The following PCDHGB3 variants were observed in gnomAD, a reference collection of about 807,000 sequenced individuals.
PCDHGB3 encodes protocadherin gamma-B3.
PCDHGB3 carries 40 observed loss-of-function variants against 59.2 expected under a neutral mutation model. The observed-to-expected ratio is 0.68, with a 90% CI of 0.52 to 0.88. The LOEUF is 0.88. Among genes scored for constraint, PCDHGB3 ranks in the 40% least tolerant of loss-of-function variants. The pLI is 0.00. For synonymous variants in PCDHGB3, 581 were observed against 503.6 expected (o/e 1.15, Z -2.06); for missense variants, 1,309 against 1,187.9 (o/e 1.10, Z -1.50).
Position 141,511,035 on chromosome 5 carries a change from C to A in PCDHGB3, c.2652C>A (p.His884Gln). Residue 884 changes from histidine to glutamine, a missense_variant, in exon 4 of 4, where the codon CAC becomes CAA. Physicochemically the swap from His to Gln is conservative, Grantham distance 24 (BLOSUM62 0). Transcript: ENST00000576222. The stretch of plus-strand genomic sequence containing the variant: ...ACGGACCCCAGTTCACCCTGCAGCA[C>A]GTGCCCGACTACCGCCAGAATGTCT... ...ARYGPQFTLQ[H>Q]VPDYRQNVYI... 2 of 1,614,208 alleles carry A rather than the reference C, an allele frequency of 1.2e-6. No individual in the cohort carries two copies. The highest frequency in any genetic ancestry group is 1.1e-5 in the South Asian group (1 of 91,088).
At chr5:141,414,587 G>A (rs775783880) in intron 1 of PCDHGB3, 5 of 1,613,828 alleles carry the variant, frequency 3.1e-6, no homozygotes, top group Non-Finnish European at 8.5e-7. Context: ...AACAACGCCA[G>A]GGGTGCCTCC....
chr5:141,414,067 C>G (rs998058224), intron 1 of PCDHGB3: 1 of 1,607,570 alleles, frequency 6.2e-7, no homozygotes, highest in Non-Finnish European at 8.5e-7. Flanking sequence ...GAAGTTCCAA[C>G]TAAACAAATA....
At position 141,372,690 on chromosome 5, in the gene PCDHGB3, A is replaced by G. The variant is rs1415110803; in HGVS notation, c.2296A>G (p.Lys766Glu). Residue 766 changes from lysine to glutamate, a missense_variant, in exon 1 of 4, where the codon AAA becomes GAA. Transcript: ENST00000576222. ...CTCACATTCCTCAAACACCGAGTTTAAATTTCTCAATATAAAGGCTGAAAA... is the reference window on the plus strand; with the variant it reads ...CTCACATTCCTCAAACACCGAGTTTGAATTTCTCAATATAAAGGCTGAAAA... ...AASHSSNTEF[K>E]FLNIKAENAA... 6.2e-7 allele frequency: 1 copy of G among 1,613,948 alleles called. No homozygotes were observed. The highest frequency in any genetic ancestry group is 2.2e-5 in the East Asian group (1 of 44,902).
At chr5:141,393,192 A>G in intron 1 of PCDHGB3, 2 of 1,613,468 alleles carry the variant, frequency 1.2e-6, no homozygotes, top group Non-Finnish European at 1.7e-6. Flanking sequence ...AATTGATATT[A>G]ACGATAATAA....
intron 1 of PCDHGB3, chr5:141,428,289 G>A: frequency 1.4e-6 from 1 of 728,400 alleles, no homozygotes; most frequent in Non-Finnish European, 2.4e-6. Context: ...CCCAAGCAAA[G>A]CTGCAGATTT....
Position 141,432,562 on chromosome 5 carries a change from C to G in PCDHGB3, c.2415+59753C>G. On this transcript the variant is annotated intron_variant, in intron 1 of 3. Coordinates refer to ENST00000576222, the MANE Select transcript of PCDHGB3 (RefSeq NM_018924.5). The surrounding 1 kb of genome is among the most constrained non-coding windows in gnomAD (Gnocchi z 6.0). ...CGGTGGACAGAGACTCCGGCCAGAA[C>G]GCCTGGCTGTCCTACCGTCTGCTCA... 1 of 1,613,964 alleles carries G rather than the reference C, an allele frequency of 6.2e-7. No homozygotes were observed. Among genetic ancestry groups the G allele is most frequent in the Non-Finnish European group, 8.5e-7 (1 of 1,180,004 alleles).
chr5:141,427,146 A>G (rs901147622), intron 1 of PCDHGB3: 10 of 456,872 alleles, frequency 2.2e-5, no homozygotes, highest in Admixed American at 7.0e-5. Context: ...TGATATTGGA[A>G]ATATGTTTGT....
At chr5:141,415,709 C>A in intron 1 of PCDHGB3, 1 of 1,092,276 alleles carries the variant, frequency 9.2e-7, no homozygotes, top group Non-Finnish European at 1.3e-6. Context: ...AATGCTAAAA[C>A]ACTGATGAGT....
chr5:141,472,218 G>A (rs1206861601), intron 1 of PCDHGB3, among the ~76,000 whole-genome samples: 3 of 152,054 alleles, frequency 2.0e-5, no homozygotes, highest in Admixed American at 2.0e-4. Flanking sequence ...CCTTACTCTC[G>A]ATCATATAAT....
rs756216038 is a variant in PCDHGB3, at chr5:141,477,967, C to G, written c.2416-16840C>G. 1.9e-6 allele frequency: 3 copies of G among 1,614,032 alleles called. No homozygotes were observed. Among genetic ancestry groups the G allele is most frequent in the Admixed American group, 3.3e-5 (2 of 59,996 alleles). ...GTCTCTTGGGATCCCCTAACCAGAG[C>G]CTTTTTGCCATAGGGCTGCACACTG... On this transcript the variant is annotated intron_variant, in intron 1 of 3. Transcript: ENST00000576222. The surrounding 1 kb of genome is among the most constrained non-coding windows in gnomAD (Gnocchi z 4.9).
Position 141,432,035 on chromosome 5 carries a change from G to T in PCDHGB3, c.2415+59226G>T. 1 of 1,614,218 alleles carries T rather than the reference G, an allele frequency of 6.2e-7. No homozygotes were observed. The highest frequency in any genetic ancestry group is 1.1e-5 in the South Asian group (1 of 91,066). On this transcript the variant is annotated intron_variant, in intron 1 of 3. Transcript: ENST00000576222. The surrounding 1 kb of genome is among the most constrained non-coding windows in gnomAD (Gnocchi z 6.0). ...CTACAACATCACAGTGACCGCCACT[G>T]ACCGGGGAACCCCGCCCCTATCCAC... is the stretch of plus-strand genomic sequence containing the variant.
chr5:141,414,568 A>G (rs1349020199), intron 1 of PCDHGB3: 2 of 1,613,914 alleles, frequency 1.2e-6, no homozygotes, highest in South Asian at 1.1e-5. Context: ...CTTTACCTAT[A>G]TCCCAGAGAA....
chr5:141,429,169 T>TACGC (rs2097190400), intron 1 of PCDHGB3: 1 of 145,394 alleles, frequency 6.9e-6, no homozygotes, highest in Non-Finnish European at 1.5e-5. Flanking sequence ...ACATTGTTTA[T>TACGC]ACACACACAC....
At chr5:141,389,140 C>T in intron 1 of PCDHGB3, 3 of 1,613,996 alleles carry the variant, frequency 1.9e-6, no homozygotes, top group Non-Finnish European at 2.5e-6. Context: ...TACAATATAA[C>T]CGTTACGGCA....
chr5:141,410,464 G>A, intron 1 of PCDHGB3: 1 of 1,613,994 alleles, frequency 6.2e-7, no homozygotes, highest in South Asian at 1.1e-5. Context: ...CTTATAATCT[G>A]TGCATTGCAC....
chr5:141,476,798 C>T lies in PCDHGB3; in HGVS notation c.2416-18009C>T. 3.1e-6 allele frequency: 5 copies of T among 1,613,660 alleles called. No homozygotes were observed. The highest frequency in any genetic ancestry group is 4.2e-6 in the Non-Finnish European group (5 of 1,180,028). ...AGGGACCCCAGCTCTCTCCGCCAGC[C>T]TGCCTATTCACATCAAGGTGCTGGA... On this transcript the variant is annotated intron_variant, in intron 1 of 3. Coordinates refer to ENST00000576222, the MANE Select transcript of PCDHGB3 (RefSeq NM_018924.5). This position sits in a 1 kb window ranked among gnomAD's most constrained non-coding sequence, Gnocchi z 7.6.
At chr5:141,374,089 G>A in intron 1 of PCDHGB3, 1 of 1,532,432 alleles carries the variant, frequency 6.5e-7, no homozygotes, top group Non-Finnish European at 8.8e-7. Flanking sequence ...CAGTAATGGC[G>A]CCTCCGCAGA....
Position 141,371,193 on chromosome 5 carries a change from A to G in PCDHGB3, c.799A>G (p.Ile267Val). 2 of 1,614,034 alleles carry G rather than the reference A, an allele frequency of 1.2e-6. No individual in the cohort carries two copies. Among genetic ancestry groups the G allele is most frequent in the Non-Finnish European group, 8.5e-7 (1 of 1,179,878 alleles). Residue 267 changes from isoleucine to valine, a missense_variant, in exon 1 of 4, where the codon ATT (isoleucine) becomes GTT (valine). Physicochemically the swap from Ile to Val is conservative, Grantham distance 29. Coordinates refer to ENST00000576222, the MANE Select transcript of PCDHGB3 (RefSeq NM_018924.5). ...AGSSVLKVMA[I>V]DMDEGINAEI... is the part of the protein sequence containing the mutation. ...CTCCTCCGTATTAAAAGTGATGGCCATTGACATGGATGAGGGCATCAATGC... is the reference window on the plus strand; with the variant it reads ...CTCCTCCGTATTAAAAGTGATGGCCGTTGACATGGATGAGGGCATCAATGC...
chr5:141,474,900 T>C (rs577411783), intron 1 of PCDHGB3, among the ~76,000 whole-genome samples: 2 of 152,368 alleles, frequency 1.3e-5, no homozygotes, highest in South Asian at 2.1e-4. Flanking sequence ...TCATTTCTTG[T>C]TCAAGGATAT....
Sources: allele counts gnomAD v4.1 joint callset (sites outside exome capture counted in the v4.1 genomes callset), GRCh38; gene constraint gnomAD v4.1.1; non-coding constraint Gnocchi (gnomAD v3.1); transcripts MANE v1.5; gene names NCBI Gene and HGNC (gene_info 2026-07-23, HGNC 2026-07-21).